Variants in JMY observed in about 807,000 individuals in gnomAD.
JMY encodes the protein junction mediating and regulatory protein, p53 cofactor.
In JMY, 46 loss-of-function variants were observed where a neutral mutation model predicts 103.3. The ratio of observed to expected loss-of-function variants is 0.45; its 90% CI spans 0.35 to 0.57. The LOEUF (loss-of-function observed/expected upper bound fraction) is 0.57, where lower values mean the gene tolerates loss of function less well. Ranked by LOEUF, JMY falls within the 20% of genes least tolerant of loss-of-function variation. The pLI, the probability that JMY is intolerant of heterozygous loss-of-function variation, is 0.00. For missense variants in JMY, 1,238 were observed against 1,255.2 expected (o/e 0.99, Z 0.21); for synonymous variants, 526 against 489.3 (o/e 1.07, Z -0.99).
intron 1 of JMY, among the ~76,000 whole-genome samples, chr5:79,259,528 G>T (rs541288826): frequency 5.3e-5 from 8 of 152,356 alleles, no homozygotes; most frequent in African/African-American, 1.4e-4. Flanking sequence ...TCTGCCTCCT[G>T]CTGCCATTTA....
intron 10 of JMY, among the ~76,000 whole-genome samples, chr5:79,317,721 CAG>C (rs1362792348): frequency 2.6e-5 from 4 of 152,098 alleles, no homozygotes; most frequent in Non-Finnish European, 4.4e-5. Flanking sequence ...ATTTTAGAGA[CAG>C]AGTCTCCCTC....
At chr5:79,314,128 G>A (rs1457610438) in intron 8 of JMY, 129 bp from the exon 9 acceptor site, 2 of 1,439,564 alleles carry the variant, frequency 1.4e-6, no homozygotes, top group African/African-American at 2.9e-5. Context: ...CAAAGTGCTG[G>A]GATTACAGGC....
chr5:79,257,817 C>T (rs966903482), intron 1 of JMY, among the ~76,000 whole-genome samples: 4 of 151,946 alleles, frequency 2.6e-5, no homozygotes, highest in Non-Finnish European at 5.9e-5. Context: ...GGCTGGAGTG[C>T]AGTGGTGCAG....
intron 5 of JMY, 115 bp from the exon 6 acceptor site, chr5:79,300,561 A>T: frequency 1.2e-6 from 1 of 824,412 alleles, no homozygotes; most frequent in Non-Finnish European, 1.9e-6. Context: ...AAAGAAGCTT[A>T]AGAGATAATG....
At chr5:79,304,957 A>G (rs908047608) in intron 6 of JMY, among the ~76,000 whole-genome samples, 1 of 152,200 alleles carries the variant, frequency 6.6e-6, no homozygotes, top group African/African-American at 2.4e-5. Context: ...CTAGACACTC[A>G]GAGACCTGAG....
chr5:79,245,058 T>C (rs1029773832), intron 1 of JMY, among the ~76,000 whole-genome samples: 3 of 152,128 alleles, frequency 2.0e-5, no homozygotes, highest in East Asian at 3.8e-4. Flanking sequence ...TTAAATATAA[T>C]TACAATTCTA....
At chr5:79,262,041 T>A (rs1013257651) in intron 1 of JMY, among the ~76,000 whole-genome samples, 3 of 152,240 alleles carry the variant, frequency 2.0e-5, no homozygotes, top group Non-Finnish European at 4.4e-5. Flanking sequence ...AGGCCCCTGC[T>A]CTTTGTCCTT....
intron 1 of JMY, among the ~76,000 whole-genome samples, chr5:79,266,832 GAC>G (rs1745600766): frequency 1.3e-5 from 2 of 152,168 alleles, no homozygotes. Context: ...TAGAAAGACA[GAC>G]ACAGCTTTGA....
chr5:79,304,455 G>A (rs1163666914), intron 6 of JMY, among the ~76,000 whole-genome samples: 2 of 152,206 alleles, frequency 1.3e-5, no homozygotes, highest in Admixed American at 1.3e-4. Flanking sequence ...CCTTGAAAGA[G>A]TGGAGATAGG....
intron 4 of JMY, among the ~76,000 whole-genome samples, chr5:79,293,577 C>A (rs946410676): frequency 6.6e-6 from 1 of 152,072 alleles, no homozygotes. Flanking sequence ...TAATTATAAT[C>A]ATTCTTACCC....
intron 1 of JMY, among the ~76,000 whole-genome samples, chr5:79,255,483 T>C (rs1322832374): frequency 6.6e-6 from 1 of 152,228 alleles, no homozygotes; most frequent in Admixed American, 6.5e-5. Flanking sequence ...TAGATCATCT[T>C]GGTACTTGTA....
At chr5:79,293,722 C>T (rs887868680) in intron 4 of JMY, among the ~76,000 whole-genome samples, 9 of 152,174 alleles carry the variant, frequency 5.9e-5, no homozygotes, top group Non-Finnish European at 1.2e-4. Context: ...TTCAGAATGA[C>T]TGCCCATGTT....
chr5:79,287,372 G>T (rs1441851324), intron 2 of JMY, among the ~76,000 whole-genome samples: 1 of 152,220 alleles, frequency 6.6e-6, no homozygotes, highest in African/African-American at 2.4e-5. Context: ...AGACAAGAAT[G>T]TACACACATC....
intron 10 of JMY, among the ~76,000 whole-genome samples, chr5:79,321,192 A>G (rs1371262931): frequency 2.6e-5 from 4 of 151,586 alleles, no homozygotes; most frequent in African/African-American, 7.2e-5. Context: ...CTTAAGCACA[A>G]CACTTTTCAA....
chr5:79,288,171 A>C (rs1162719155), intron 2 of JMY, among the ~76,000 whole-genome samples: 1 of 152,230 alleles, frequency 6.6e-6, no homozygotes, highest in African/African-American at 2.4e-5. Flanking sequence ...CTGACATTTT[A>C]AATGTCTTTT....
chr5:79,237,659 C>T lies in JMY; in HGVS notation c.1009C>T (p.Arg337Trp), dbSNP rs778983732. The T allele has an allele frequency of 9.9e-6, 16 of 1,613,068 alleles. No individual in the cohort carries two copies. Among genetic ancestry groups the T allele is most frequent in the South Asian group, 3.3e-5 (3 of 91,036 alleles). ...RQKGYEEVLQ[R>W]ARKRIQELLD... Reference sequence around the variant, plus strand: ...GAAGGGCTACGAAGAAGTGCTTCAGCGGGCCAGGAAGCGCATCCAGGAGGT... The same window carrying T: ...GAAGGGCTACGAAGAAGTGCTTCAGTGGGCCAGGAAGCGCATCCAGGAGGT... The change falls in exon 1 of 11, where the codon CGG becomes TGG. Residue 337 changes from arginine to tryptophan, a missense_variant. Coordinates refer to ENST00000396137, the MANE Select transcript of JMY (RefSeq NM_152405.5).
At position 79,314,679 on chromosome 5, in the gene JMY, T is replaced by C; in HGVS notation, c.2487T>C (p.Ala829=). ...CACCACCACCACCTCTGCCTGTTGC[T>C]AAGGACAGTGGCCCAGAGACACTGG... The part of the protein sequence containing the change: ...PPPPPPPLPV[A]KDSGPETLEK... Residue 829 remains alanine (A), a synonymous_variant, in exon 9 of 11, where the codon GCT becomes GCC. Transcript: ENST00000396137. 7.5e-7 allele frequency: 1 copy of C among 1,336,458 alleles called. No homozygotes were observed. The highest frequency in any genetic ancestry group is 9.9e-7 in the Non-Finnish European group (1 of 1,012,846). The allele number at this position is 1,336,458 out of a possible 1,614,324, so 82.8% of individuals were successfully genotyped here.
chr5:79,285,190 G>C (rs1019482353), intron 2 of JMY, among the ~76,000 whole-genome samples: 13 of 152,114 alleles, frequency 8.5e-5, no homozygotes, highest in African/African-American at 3.1e-4. Flanking sequence ...TTGTCTCCTA[G>C]TAAATTCTTG....
chr5:79,254,138 A>G (rs1214907320), intron 1 of JMY, among the ~76,000 whole-genome samples: 2 of 146,434 alleles, frequency 1.4e-5, no homozygotes, highest in Admixed American at 6.9e-5. Flanking sequence ...TATTTTTAGT[A>G]GAGACGGGGT....
Sources: gnomAD v4.1 joint callset for allele counts (sites outside exome capture counted in the v4.1 genomes callset) on GRCh38, gnomAD v4.1.1 for gene constraint, MANE v1.5 for transcripts, NCBI Gene and HGNC (gene_info 2026-07-23, HGNC 2026-07-21) for gene names.